Variants in SNAI3 observed in about 807,000 individuals in gnomAD.
SNAI3 encodes the protein snail family transcriptional repressor 3.
In SNAI3, 21 loss-of-function variants were observed where a neutral mutation model predicts 16.4. That is an observed-to-expected ratio of 1.28 (90% CI 0.91 to 1.85). SNAI3 has a LOEUF of 1.85. Among genes scored for constraint, SNAI3 ranks in the 40% most tolerant of loss-of-function variants. The probability of loss-of-function intolerance (pLI) is 0.00; values close to 1 mark genes in which losing one functional copy is unlikely to be tolerated. For missense variants in SNAI3, 457 were observed against 372.8 expected, an observed-to-expected ratio of 1.23 and a Z score of -1.86; for synonymous variants, 202 against 166.6, an observed-to-expected ratio of 1.21 and a Z score of -1.64.
At chr16:88,682,998 C>T (rs1360060548) in intron 1 of SNAI3, among the ~76,000 whole-genome samples, 2 of 151,048 alleles carry the variant, frequency 1.3e-5, no homozygotes, top group South Asian at 2.1e-4. Flanking sequence ...AGAATGGTCT[C>T]GATCTCCTGA....
chr16:88,678,541 G>C lies in SNAI3; in HGVS notation c.786C>G (p.Ala262=). 1 of 802,692 alleles carries C rather than the reference G, an allele frequency of 1.2e-6. No homozygotes were observed. The highest frequency in any genetic ancestry group is 1.3e-5 in the South Asian group (1 of 75,030). The allele number at this position is 802,692 out of a possible 1,614,324, so 49.7% of individuals were successfully genotyped here. Reference sequence around the variant, plus strand: ...TGCAGCGCCGGCACCGGTACTTCTTGGCGTCTGAGTGCGTTTGCAGATGGG... The same window carrying C: ...TGCAGCGCCGGCACCGGTACTTCTTCGCGTCTGAGTGCGTTTGCAGATGGG... ...LRAHLQTHSD[A]KKYRCRRCTK... The change falls in exon 3 of 3, where the codon GCC becomes GCG. Residue 262 remains alanine, a synonymous_variant. Transcript: ENST00000332281.
rs1285054613 is a variant in SNAI3 at position 88,686,352 on chromosome 16, G to A, written c.55C>T (p.Arg19Trp). ...THSSHRVPNY[R>W]RLETQREING... is the part of the protein sequence containing the mutation. ...GTACCTCTCTGCGTCTCCAGCCGCC[G>A]GTAGTTGGGGACCCTGTGGCTGGAG... Residue 19 changes from arginine to tryptophan, a missense_variant, in exon 1 of 3, where the codon CGG (arginine) becomes TGG (tryptophan). Arg to Trp is a moderately radical substitution (Grantham distance 101). Transcript: ENST00000332281. 1.3e-5 allele frequency: 21 copies of A among 1,612,228 alleles called. No individual in the cohort carries two copies. The highest frequency in any genetic ancestry group is 1.6e-5 in the Non-Finnish European group (19 of 1,179,644).
At chr16:88,680,715 C>T (rs1274217481) in intron 2 of SNAI3, among the ~76,000 whole-genome samples, 1 of 152,162 alleles carries the variant, frequency 6.6e-6, no homozygotes, top group African/African-American at 2.4e-5. Context: ...CCTCCTGCCT[C>T]AGCCTCCTAA....
Position 88,678,365 on chromosome 16 carries a change from A to C in SNAI3, c.*83T>G, listed in dbSNP as rs190194447. On this transcript the variant is annotated 3_prime_UTR_variant, in exon 3 of 3. Coordinates refer to ENST00000332281, the MANE Select transcript of SNAI3 (RefSeq NM_178310.4). ...GTGAGGCCAGGCCCCGCCCTCCCAG[A>C]CTCCTGGCTCCTCTGGGGGCAGGAG... 4.6e-5 allele frequency: 29 copies of C among 628,758 alleles called. 1 individual carries two copies. Among genetic ancestry groups the C allele is most frequent in the African/African-American group, 3.8e-4 (21 of 55,206 alleles). 38.9% of individuals were successfully genotyped at this position (628,758 alleles called of 1,614,324 possible). A position where few individuals can be genotyped will look rare whatever the true frequency, so the allele number is the denominator to read the frequency against.
chr16:88,678,981 G>C (rs905165831), intron 2 of SNAI3: 38 of 985,428 alleles, frequency 3.9e-5, no homozygotes, highest in East Asian at 2.3e-4. Context: ...CCAGGGCAGG[G>C]GCAGAGCTGT....
chr16:88,686,259 A>G lies in SNAI3; in HGVS notation c.76+72T>C, dbSNP rs533555109. 2.5e-5 allele frequency: 39 copies of G among 1,529,778 alleles called. No homozygotes were observed. In the East Asian group the frequency reaches 7.7e-4, roughly 30 times the overall value. 94.8% of individuals were successfully genotyped at this position (1,529,778 alleles called of 1,614,324 possible). On this transcript the variant is annotated intron_variant, in intron 1 of 2. Transcript: ENST00000332281. Reference sequence around the variant, plus strand: ...AGGTGTCTCCCCAGCCCCCGCTCCCAGGGGCCTCTCTCTCTCTCCCGCCCC... The same window carrying G: ...AGGTGTCTCCCCAGCCCCCGCTCCCGGGGGCCTCTCTCTCTCTCCCGCCCC...
Position 88,678,261 on chromosome 16 carries a change from G to A in SNAI3, c.*187C>T. 1.8e-6 allele frequency: 1 copy of A among 568,218 alleles called. No homozygotes were observed. Among genetic ancestry groups the A allele is most frequent in the Non-Finnish European group, 3.1e-6 (1 of 320,716 alleles). 35.2% of individuals were successfully genotyped at this position (568,218 alleles called of 1,614,324 possible). A position where few individuals can be genotyped will look rare whatever the true frequency, so the allele number is the denominator to read the frequency against. ...GGGCTCCGCGCGGTGGGATGCCTGG[G>A]GGAGTGTCCTCCGGCCCAGTGGCCC... is the stretch of plus-strand genomic sequence containing the variant. On this transcript the variant is annotated 3_prime_UTR_variant, in exon 3 of 3. Transcript: ENST00000332281.
chr16:88,679,092 A>G, intron 2 of SNAI3: 1 of 985,416 alleles, frequency 1.0e-6, no homozygotes, highest in Non-Finnish European at 1.2e-6. Flanking sequence ...TGTAAAGGGA[A>G]GTGTGACTGG....
rs1197175060 is a variant in SNAI3, at chr16:88,681,964, C to A, written c.77-250G>T. ...GCGGTCTAGAGAGCGAATCTCACTT[C>A]CTCTTTAAACACAAAGAAACATCTG... On this transcript the variant is annotated intron_variant, in intron 1 of 2. Coordinates refer to ENST00000332281, the MANE Select transcript of SNAI3 (RefSeq NM_178310.4). This position sits in a 1 kb window ranked among gnomAD's most constrained non-coding sequence, Gnocchi z 5.4. Among the ~76,000 whole-genome samples the A allele has an allele frequency of 1.3e-5, 2 of 152,138 alleles. No individual in the cohort carries two copies. The highest frequency in any genetic ancestry group is 3.9e-4 in the East Asian group (2 of 5,184).
chr16:88,678,573 G>A lies in SNAI3; in HGVS notation c.754C>T (p.Leu252Phe), dbSNP rs779094591. 9.9e-6 allele frequency: 9 copies of A among 911,912 alleles called. No homozygotes were observed. Among genetic ancestry groups the A allele is most frequent in the Non-Finnish European group, 1.7e-5 (9 of 540,162 alleles). The allele number at this position is 911,912 out of a possible 1,614,324, so 56.5% of individuals were successfully genotyped here. ...GAGTGCGTTTGCAGATGGGCCCGAA[G>A]GTTGGAGCGGTCGGCAAAGGCCCTG... Reference protein sequence around the residue: ...CSRAFADRSNLRAHLQTHSDA... With the variant: ...CSRAFADRSNFRAHLQTHSDA... The change falls in exon 3 of 3, where the codon CTT becomes TTT. Residue 252 changes from leucine (L) to phenylalanine (F), a missense_variant. Leu to Phe is a conservative substitution (Grantham distance 22). Transcript: ENST00000332281.
Position 88,681,837 on chromosome 16 carries a change from C to T in SNAI3, c.77-123G>A, listed in dbSNP as rs961345230. On this transcript the variant is annotated intron_variant, in intron 1 of 2. Coordinates refer to ENST00000332281, the MANE Select transcript of SNAI3 (RefSeq NM_178310.4). This position sits in a 1 kb window ranked among gnomAD's most constrained non-coding sequence, Gnocchi z 5.4. ...AGCAGCCTGGCGTGGGAGGTGTAGC[C>T]GGGAACCTGCATGCAGACCCAGCTT... The T allele has an allele frequency of 2.1e-5, 24 of 1,136,894 alleles. No homozygotes were observed. The highest frequency in any genetic ancestry group is 1.6e-4 in the African/African-American group (10 of 62,506). The allele number at this position is 1,136,894 out of a possible 1,614,324, so 70.4% of individuals were successfully genotyped here.
chr16:88,679,779 A>G (rs1217273591), intron 2 of SNAI3, among the ~76,000 whole-genome samples: 1 of 144,384 alleles, frequency 6.9e-6, no homozygotes, highest in African/African-American at 2.6e-5. Flanking sequence ...AAAAAAAAAA[A>G]AAAGAAAAAG....
intron 2 of SNAI3, among the ~76,000 whole-genome samples, chr16:88,679,378 T>C (rs1397033061): frequency 6.6e-6 from 1 of 152,176 alleles, no homozygotes; most frequent in South Asian, 2.1e-4. Flanking sequence ...GGAAAAGGCC[T>C]TCCCTCTGGC....
intron 1 of SNAI3, among the ~76,000 whole-genome samples, chr16:88,682,555 C>T (rs1460098229): frequency 1.3e-5 from 2 of 152,220 alleles, no homozygotes; most frequent in African/African-American, 4.8e-5. Context: ...CCCTTTCTTA[C>T]TCTATATGTG....
chr16:88,679,124 A>C, intron 2 of SNAI3: 1 of 983,358 alleles, frequency 1.0e-6, no homozygotes, highest in South Asian at 4.7e-5. Context: ...TCATTCCTGT[A>C]GCCCCATAGA....
At chr16:88,686,065 T>TC (rs1265595416) in intron 1 of SNAI3, 2 of 479,370 alleles carry the variant, frequency 4.2e-6, no homozygotes, top group Non-Finnish European at 7.5e-6. Flanking sequence ...CAGGGAGACT[T>TC]GGGGGCTTAG....
Position 88,678,458 on chromosome 16 carries a change from G to T in SNAI3, c.869C>A (p.Pro290Gln), listed in dbSNP as rs140544711. 1 of 771,540 alleles carries T rather than the reference G, an allele frequency of 1.3e-6. No homozygotes were observed. The highest frequency in any genetic ancestry group is 2.4e-6 in the Non-Finnish European group (1 of 418,132). The allele number at this position is 771,540 out of a possible 1,614,324, so 47.8% of individuals were successfully genotyped here. ...LARHEESGCCPGP is the reference protein window; with the variant it reads ...LARHEESGCCQGP ...CCGACCACGTGCCTCTCAGGGGCCC[G>T]GGCAGCAGCCAGACTCCTCATGCCG... The change falls in exon 3 of 3, where the codon CCG (proline) becomes CAG (glutamine). Residue 290 changes from proline (P) to glutamine (Q), a missense_variant. Pro to Gln is a moderately conservative substitution (Grantham distance 76, BLOSUM62 -1). Coordinates refer to ENST00000332281, the MANE Select transcript of SNAI3 (RefSeq NM_178310.4).
chr16:88,683,553 CTT>C (rs35529850), intron 1 of SNAI3, among the ~76,000 whole-genome samples: 8 of 112,380 alleles, frequency 7.1e-5, no homozygotes, highest in Admixed American at 1.1e-4. Context: ...TGCGCCTGGC[CTT>C]TTTTTTTTTT....
At chr16:88,684,091 C>T (rs1454239639) in intron 1 of SNAI3, among the ~76,000 whole-genome samples, 1 of 152,246 alleles carries the variant, frequency 6.6e-6, no homozygotes, top group Admixed American at 6.5e-5. Context: ...CCTCCTCCCA[C>T]CCTCAGTTTT....
Sources: allele counts gnomAD v4.1 joint callset (sites outside exome capture counted in the v4.1 genomes callset), GRCh38; gene constraint gnomAD v4.1.1; non-coding constraint Gnocchi (gnomAD v3.1); transcripts MANE v1.5; gene names NCBI Gene and HGNC (gene_info 2026-07-23, HGNC 2026-07-21).